RPTOR: variants seen among roughly 807,000 people sequenced by gnomAD.
RPTOR encodes regulatory associated protein of MTOR complex 1, also known as regulatory-associated protein of mTOR.
In RPTOR, 21 loss-of-function variants were observed where a neutral mutation model predicts 169.9. The ratio of observed to expected loss-of-function variants is 0.12; its 90% CI spans 0.09 to 0.18. The LOEUF (loss-of-function observed/expected upper bound fraction) is 0.18. Ranked by LOEUF, RPTOR falls within the 10% of genes least tolerant of loss-of-function variation. The probability of loss-of-function intolerance (pLI) is 1.00; values close to 1 mark genes in which losing one functional copy is unlikely to be tolerated. For missense variants in RPTOR, 1,133 were observed against 1,855.9 expected (o/e 0.61, Z 7.16); for synonymous variants, 732 against 753.2 (o/e 0.97, Z 0.46).
chr17:80,656,652 C>T (rs568956568), intron 3 of RPTOR, among the ~76,000 whole-genome samples: 4 of 152,288 alleles, frequency 2.6e-5, no homozygotes, highest in African/African-American at 9.6e-5. Flanking sequence ...GTGAGGCAGA[C>T]GGAGCCACTT....
chr17:80,660,086 C>T (rs921438442), intron 3 of RPTOR, among the ~76,000 whole-genome samples: 3 of 151,926 alleles, frequency 2.0e-5, no homozygotes, highest in Non-Finnish European at 4.4e-5. Flanking sequence ...GTCTGGCCAA[C>T]GTGGTGAAAC....
intron 13 of RPTOR, among the ~76,000 whole-genome samples, chr17:80,866,398 C>A (rs183561792): frequency 1.6e-4 from 24 of 152,028 alleles, no homozygotes; most frequent in Non-Finnish European, 2.6e-4. Flanking sequence ...AAGAGGGCAG[C>A]GTGAGTGGAG....
In RPTOR at chr17:80,962,573, G is replaced by A. The variant is rs1386816509; in HGVS notation, c.3805G>A (p.Ala1269Thr). The stretch of plus-strand genomic sequence containing the variant: ...CATCCACCCCCAGGCGGACCTGATC[G>A]CATGGTAGGCGCCACCCACCTCCCT... ...LDIHPQADLI[A>T]CGSVNQFTAI... The change falls in exon 32 of 34, where the codon GCA (alanine) becomes ACA (threonine). Residue 1269 changes from alanine (A) to threonine (T), a missense_variant. This residue lies in a region of RPTOR where 410 missense variants were observed against 623.7 expected (regional missense o/e 0.66). Transcript: ENST00000306801. The A allele has an allele frequency of 1.2e-6, 2 of 1,612,342 alleles. No homozygotes were observed. Among genetic ancestry groups the A allele is most frequent in the Non-Finnish European group, 8.5e-7 (1 of 1,179,190 alleles).
chr17:80,784,848 G>A (rs747835582), intron 6 of RPTOR, among the ~76,000 whole-genome samples: 4 of 151,980 alleles, frequency 2.6e-5, no homozygotes, highest in African/African-American at 4.8e-5. Flanking sequence ...ACAGGTGTCC[G>A]CCACCACGCC....
Position 80,710,670 on chromosome 17 carries a change from T to C in RPTOR, c.507+2671T>C, listed in dbSNP as rs755701397. 7.9e-5 allele frequency among the ~76,000 whole-genome samples: 12 copies of C among 152,178 alleles called. 1 individual carries two copies. In the East Asian group the frequency reaches 2.3e-3, roughly 29 times the overall value. On this transcript the variant is annotated intron_variant, in intron 4 of 33. Coordinates refer to ENST00000306801, the MANE Select transcript of RPTOR (RefSeq NM_020761.3). Reference sequence around the variant, plus strand: ...TGGTGCTACGTTGAATGATACTGTATGACCATCTCCTGTTATACACACCTT... The same window carrying C: ...TGGTGCTACGTTGAATGATACTGTACGACCATCTCCTGTTATACACACCTT...
chr17:80,809,490 C>G (rs77432894), intron 7 of RPTOR, among the ~76,000 whole-genome samples: 2,430 of 152,330 alleles, frequency 0.016, 59 homozygotes, highest in African/African-American at 0.056. Flanking sequence ...CGCGTCCGGC[C>G]ATCTTACCGA....
chr17:80,782,109 G>GTA (rs2143459234), intron 6 of RPTOR, among the ~76,000 whole-genome samples: 1 of 152,362 alleles, frequency 6.6e-6, no homozygotes, highest in African/African-American at 2.4e-5. Context: ...GTTTCACATA[G>GTA]GGTCAGCTCT....
chr17:80,884,753 G>A, intron 16 of RPTOR, among the ~76,000 whole-genome samples: 1 of 152,212 alleles, frequency 6.6e-6, no homozygotes, highest in African/African-American at 2.4e-5. Flanking sequence ...GCCTGGTTTG[G>A]TGTTTCAGTT....
At chr17:80,812,840 A>G (rs1218171111) in intron 7 of RPTOR, among the ~76,000 whole-genome samples, 1 of 152,232 alleles carries the variant, frequency 6.6e-6, no homozygotes, top group Non-Finnish European at 1.5e-5. Context: ...TGTGGGAACC[A>G]CACGCCCCCA....
Position 80,755,775 on chromosome 17 carries a change from G to A in RPTOR, c.830+1590G>A, listed in dbSNP as rs183877922. 4.0e-4 allele frequency among the ~76,000 whole-genome samples: 60 copies of A among 151,870 alleles called. 1 individual carries two copies. The highest frequency in any genetic ancestry group is 1.4e-3 in the African/African-American group (57 of 41,432). Reference sequence around the variant, plus strand: ...AAAAAAAAAGAAACAAAAAAAGAGGGGAGAGGAGCTGTCTGGAGGGGGCAG... The same window carrying A: ...AAAAAAAAAGAAACAAAAAAAGAGGAGAGAGGAGCTGTCTGGAGGGGGCAG... On this transcript the variant is annotated intron_variant, in intron 6 of 33. Transcript: ENST00000306801.
chr17:80,741,233 G>C (rs1012249169), intron 5 of RPTOR, among the ~76,000 whole-genome samples: 1 of 152,182 alleles, frequency 6.6e-6, no homozygotes, highest in African/African-American at 2.4e-5. Flanking sequence ...ACCCCTGCTG[G>C]CTTGGCTAAT....
intron 7 of RPTOR, among the ~76,000 whole-genome samples, chr17:80,800,834 C>G (rs1312672680): frequency 1.3e-5 from 2 of 152,226 alleles, no homozygotes; most frequent in Non-Finnish European, 2.9e-5. Context: ...GTATTCTGAT[C>G]ACTGGAGGCT....
chr17:80,923,715 G>C (rs1249175967), intron 23 of RPTOR, 42 bp downstream of exon 23: 1 of 1,509,312 alleles, frequency 6.6e-7, no homozygotes, highest in East Asian at 2.4e-5. Context: ...CACTGAGAGC[G>C]TTGCTTCTCA....
chr17:80,575,078 T>C (rs994893641), intron 1 of RPTOR, among the ~76,000 whole-genome samples: 2 of 152,172 alleles, frequency 1.3e-5, no homozygotes, highest in African/African-American at 2.4e-5. Flanking sequence ...ACTTACCTTA[T>C]TAGTTTTCAG....
intron 3 of RPTOR, among the ~76,000 whole-genome samples, chr17:80,644,728 G>C (rs554382555): frequency 7.9e-5 from 12 of 152,302 alleles, no homozygotes; most frequent in African/African-American, 2.9e-4. Context: ...GTGGGATTTA[G>C]AGATTCCTTA....
intron 1 of RPTOR, among the ~76,000 whole-genome samples, chr17:80,582,648 C>T (rs945699552): frequency 6.8e-6 from 1 of 147,748 alleles, no homozygotes; most frequent in East Asian, 2.0e-4. Context: ...TGGGTTCAAG[C>T]GATTCTCCTG....
intron 17 of RPTOR, among the ~76,000 whole-genome samples, chr17:80,888,930 C>T (rs937913807): frequency 6.6e-6 from 1 of 152,152 alleles, no homozygotes; most frequent in African/African-American, 2.4e-5. Context: ...GGGAGAGGCC[C>T]AGTGCAGGGG....
At chr17:80,635,121 C>G (rs2065496245) in intron 2 of RPTOR, among the ~76,000 whole-genome samples, 1 of 152,168 alleles carries the variant, frequency 6.6e-6, no homozygotes, top group Non-Finnish European at 1.5e-5. Context: ...GGTGCCTCCT[C>G]CTGTGTGAAC....
chr17:80,676,246 A>T (rs535927807), intron 3 of RPTOR, among the ~76,000 whole-genome samples: 41 of 152,384 alleles, frequency 2.7e-4, no homozygotes, highest in Admixed American at 2.2e-3. Flanking sequence ...CCAGTAGGTT[A>T]GAAGTGGTTA....
Sources: gnomAD v4.1 joint callset for allele counts (sites outside exome capture counted in the v4.1 genomes callset) on GRCh38, gnomAD v4.1.1 for gene constraint, gnomAD v4.1.1 regional missense constraint, MANE v1.5 for transcripts, NCBI Gene and HGNC (gene_info 2026-07-23, HGNC 2026-07-21) for gene names.